The following SPOCK1 variants were observed in gnomAD, a reference collection of about 807,000 sequenced individuals.
The protein encoded by SPOCK1 is SPARC (osteonectin), cwcv and kazal like domains proteoglycan 1, also known as testican-1.
SPOCK1 carries 23 observed loss-of-function variants against 55.3 expected under a neutral mutation model. The ratio of observed to expected loss-of-function variants is 0.42; its 90% CI spans 0.30 to 0.59. The LOEUF is 0.59. SPOCK1 is among the 20% of genes least tolerant of loss of function. The probability of loss-of-function intolerance (pLI) is 0.22; values close to 1 mark genes in which losing one functional copy is unlikely to be tolerated. For synonymous variants in SPOCK1, 226 were observed against 221.0 expected (o/e 1.02, Z -0.20); for missense variants, 499 against 552.5 (o/e 0.90, Z 0.97).
intron 6 of SPOCK1, among the ~76,000 whole-genome samples, chr5:137,035,288 C>G (rs1287060832): frequency 6.6e-6 from 1 of 152,198 alleles, no homozygotes; most frequent in African/African-American, 2.4e-5. Context: ...TGCGGCTCCC[C>G]CAGCGGATGG....
chr5:137,331,768 T>C lies in SPOCK1; in HGVS notation c.187-64713A>G, dbSNP rs140012490. Among the ~76,000 whole-genome samples the C allele has an allele frequency of 7.6e-3, 1,149 of 152,022 alleles. 14 individuals are homozygous for C. Among genetic ancestry groups the C allele is most frequent in the African/African-American group, 0.026 (1,080 of 41,442 alleles). Reference sequence around the variant, plus strand: ...ACTGGGGAGGGATCCGCTCCCACGATCCAATCACCTCCCACCAGGCCCCAT... The same window carrying C: ...ACTGGGGAGGGATCCGCTCCCACGACCCAATCACCTCCCACCAGGCCCCAT... On this transcript the variant is annotated intron_variant, in intron 2 of 10. Coordinates refer to ENST00000394945, the MANE Select transcript of SPOCK1 (RefSeq NM_004598.4).
At chr5:137,016,739 G>A (rs546252937) in intron 6 of SPOCK1, among the ~76,000 whole-genome samples, 1 of 152,244 alleles carries the variant, frequency 6.6e-6, no homozygotes, top group Non-Finnish European at 1.5e-5. Flanking sequence ...GAGAAAGGCT[G>A]CCCAGGCATC....
At chr5:137,386,568 G>A (rs1751603015) in intron 2 of SPOCK1, among the ~76,000 whole-genome samples, 1 of 152,130 alleles carries the variant, frequency 6.6e-6, no homozygotes, top group Non-Finnish European at 1.5e-5. Context: ...TGGGTAAAAG[G>A]TAGTCTTTTC....
intron 3 of SPOCK1, among the ~76,000 whole-genome samples, chr5:137,260,510 A>C (rs1316005419): frequency 6.6e-6 from 1 of 152,258 alleles, no homozygotes; most frequent in Non-Finnish European, 1.5e-5. Context: ...ACATAAAAAC[A>C]TAAGGACATG....
At chr5:137,060,593 TAA>T (rs1346975202) in intron 6 of SPOCK1, among the ~76,000 whole-genome samples, 1 of 151,160 alleles carries the variant, frequency 6.6e-6, no homozygotes, top group East Asian at 1.9e-4. Flanking sequence ...CCCCTAAAAC[TAA>T]AAGTTAAAAT....
chr5:137,248,420 A>G (rs1756440991), intron 3 of SPOCK1, among the ~76,000 whole-genome samples: 1 of 152,220 alleles, frequency 6.6e-6, no homozygotes. Flanking sequence ...CTCGAAACCC[A>G]CAGTCTGGCA....
intron 3 of SPOCK1, among the ~76,000 whole-genome samples, chr5:137,209,257 A>G (rs1755568607): frequency 6.6e-6 from 1 of 152,218 alleles, no homozygotes; most frequent in African/African-American, 2.4e-5. Context: ...GACTGTTTTT[A>G]CTATCTCCTA....
intron 6 of SPOCK1, among the ~76,000 whole-genome samples, chr5:137,021,210 T>C (rs1340446077): frequency 6.6e-6 from 1 of 152,198 alleles, no homozygotes; most frequent in Non-Finnish European, 1.5e-5. Flanking sequence ...GCAAATGTGA[T>C]TGAAATTTAG....
At chr5:137,007,521 C>A (rs1751272896) in intron 6 of SPOCK1, among the ~76,000 whole-genome samples, 1 of 152,154 alleles carries the variant, frequency 6.6e-6, no homozygotes, top group South Asian at 2.1e-4. Context: ...TTTATGTCGC[C>A]AAGCAACATA....
At chr5:137,145,549 C>T (rs56394350) in intron 3 of SPOCK1, among the ~76,000 whole-genome samples, 19,459 of 152,206 alleles carry the variant, frequency 0.13, 1,412 homozygotes, top group East Asian at 0.22. Context: ...CAAAGGGTTC[C>T]TCACCTGGGG....
intron 2 of SPOCK1, among the ~76,000 whole-genome samples, chr5:137,353,127 C>T (rs2037834155): frequency 6.6e-6 from 1 of 152,266 alleles, no homozygotes; most frequent in African/African-American, 2.4e-5. Context: ...CTCCTGTAAT[C>T]TCAGCACTTT....
At chr5:137,402,672 G>C (rs1181532025) in intron 2 of SPOCK1, among the ~76,000 whole-genome samples, 1 of 152,160 alleles carries the variant, frequency 6.6e-6, no homozygotes, top group Non-Finnish European at 1.5e-5. Context: ...CCACAGCCCA[G>C]TAAAACAGCT....
At chr5:137,447,452 T>C (rs963349385) in intron 2 of SPOCK1, among the ~76,000 whole-genome samples, 14 of 152,326 alleles carry the variant, frequency 9.2e-5, no homozygotes, top group South Asian at 4.1e-4. Context: ...CTCAAATATC[T>C]AGAAAAATCT....
intron 2 of SPOCK1, among the ~76,000 whole-genome samples, chr5:137,270,366 C>T (rs2127118559): frequency 6.6e-6 from 1 of 152,258 alleles, no homozygotes; most frequent in East Asian, 1.9e-4. Context: ...TAAATATAGT[C>T]ATTTAAGTTC....
At chr5:137,088,793 G>T (rs1370986000) in intron 5 of SPOCK1, among the ~76,000 whole-genome samples, 1 of 152,188 alleles carries the variant, frequency 6.6e-6, no homozygotes, top group South Asian at 2.1e-4. Context: ...AAGTACCATG[G>T]GGGTTGAAAG....
At position 136,975,445 on chromosome 5, in the gene SPOCK1, C is replaced by T. The variant is rs1750595083; in HGVS notation, c.*3209G>A. 1.3e-5 allele frequency: 2 copies of T among 152,614 alleles called. No homozygotes were observed. The highest frequency in any genetic ancestry group is 6.5e-5 in the Admixed American group (1 of 15,276). The allele number at this position is 152,614 out of a possible 1,614,324, so 9.5% of individuals were successfully genotyped here. A position where few individuals can be genotyped will look rare whatever the true frequency, so the allele number is the denominator to read the frequency against. ...TTCAGAATTTACTAGGTTTTTGCTA[C>T]ATCACTATTTCATCTACAATAGGGA... On this transcript the variant is annotated 3_prime_UTR_variant, in exon 11 of 11. Coordinates refer to ENST00000394945, the MANE Select transcript of SPOCK1 (RefSeq NM_004598.4).
At chr5:137,292,574 A>G (rs1012268112) in intron 2 of SPOCK1, among the ~76,000 whole-genome samples, 3 of 152,150 alleles carry the variant, frequency 2.0e-5, no homozygotes, top group African/African-American at 4.8e-5. Context: ...CAATTGTTAG[A>G]ACGAAGCCCT....
intron 3 of SPOCK1, among the ~76,000 whole-genome samples, chr5:137,209,782 C>T (rs1200485965): frequency 6.6e-6 from 1 of 152,102 alleles, no homozygotes; most frequent in Non-Finnish European, 1.5e-5. Flanking sequence ...GTGGTTACTG[C>T]GATCAAGTTT....
intron 2 of SPOCK1, among the ~76,000 whole-genome samples, chr5:137,356,892 G>C (rs901635149): frequency 1.2e-4 from 15 of 126,130 alleles, no homozygotes; most frequent in African/African-American, 4.2e-4. Flanking sequence ...AGACCAACCA[G>C]GGGGCCAGCT....
Sources: allele counts gnomAD v4.1 joint callset (sites outside exome capture counted in the v4.1 genomes callset), GRCh38; gene constraint gnomAD v4.1.1; transcripts MANE v1.5; gene names NCBI Gene and HGNC (gene_info 2026-07-23, HGNC 2026-07-21).